The following PRSS23 variants were observed in gnomAD, a reference collection of about 807,000 sequenced individuals.
PRSS23 encodes the protein serine protease 23.
PRSS23 carries 25 observed loss-of-function variants against 34.7 expected under a neutral mutation model. The ratio of observed to expected loss-of-function variants is 0.72; its 90% CI spans 0.53 to 1.01. The LOEUF (loss-of-function observed/expected upper bound fraction) is 1.01, where lower values mean the gene tolerates loss of function less well. Ranked by LOEUF, PRSS23 falls within the 50% of genes least tolerant of loss-of-function variation. The pLI, the probability that PRSS23 is intolerant of heterozygous loss-of-function variation, is 0.00. For missense variants in PRSS23, 445 were observed against 475.6 expected, an observed-to-expected ratio of 0.94 and a Z score of 0.60; for synonymous variants, 176 against 186.6, an observed-to-expected ratio of 0.94 and a Z score of 0.46.
intron 2 of PRSS23, among the ~76,000 whole-genome samples, chr11:86,932,012 G>A (rs1457427535): frequency 6.6e-6 from 1 of 152,148 alleles, no homozygotes; most frequent in Non-Finnish European, 1.5e-5. Flanking sequence ...GAATCTTTGT[G>A]CAAAAGTGAG....
chr11:86,806,686 T>G (rs901955643), intron 1 of PRSS23, among the ~76,000 whole-genome samples: 5 of 152,252 alleles, frequency 3.3e-5, no homozygotes, highest in Non-Finnish European at 7.3e-5. Context: ...GCATCATCCA[T>G]GTACATCATT....
chr11:86,925,295 A>AGTGTGTGT (rs5793226), intron 2 of PRSS23, among the ~76,000 whole-genome samples: 212 of 149,106 alleles, frequency 1.4e-3, no homozygotes, highest in African/African-American at 3.2e-3. Flanking sequence ...GTTTAACTGG[A>AGTGTGTGT]GTGTGTGTGT....
upstream of PRSS23, chr11:86,800,364 G>A: frequency 2.4e-6 from 2 of 837,660 alleles, no homozygotes; most frequent in Non-Finnish European, 2.9e-6. Context: ...CAGGCCCTCT[G>A]GGCTGCTCCA....
At chr11:86,814,853 G>A (rs943092546), downstream of PRSS23, among the ~76,000 whole-genome samples, 7 of 152,148 alleles carry the variant, frequency 4.6e-5, no homozygotes, top group African/African-American at 1.7e-4. Context: ...CCTCCTGCCT[G>A]GACCAATGTT....
At chr11:86,904,192 G>C (rs1565381930) in intron 2 of PRSS23, among the ~76,000 whole-genome samples, 1 of 152,140 alleles carries the variant, frequency 6.6e-6, no homozygotes, top group Non-Finnish European at 1.5e-5. Context: ...GTGGACCCAG[G>C]TTGAAGGAAT....
chr11:86,810,574 G>C lies in PRSS23; in HGVS notation c.*1779G>C, dbSNP rs1948166953. On this transcript the variant is annotated 3_prime_UTR_variant, in exon 2 of 2. Transcript: ENST00000280258. ...TCTCCATTTCTATGTCTGGTATTTG[G>C]GGGTTTTGTTTGTTTTTGCTTTAGC... The C allele has an allele frequency of 6.0e-6, 1 of 166,926 alleles. No homozygotes were observed. The highest frequency in any genetic ancestry group is 1.5e-5 in the Non-Finnish European group (1 of 68,086). 10.3% of individuals were successfully genotyped at this position (166,926 alleles called of 1,614,324 possible).
intron 2 of PRSS23, among the ~76,000 whole-genome samples, chr11:86,872,098 A>C (rs1347404355): frequency 6.6e-6 from 1 of 152,180 alleles, no homozygotes; most frequent in Non-Finnish European, 1.5e-5. Flanking sequence ...TCTTGGTTTC[A>C]ACTCTTTCTT....
chr11:86,900,782 T>TCTC (rs71895161), intron 2 of PRSS23, among the ~76,000 whole-genome samples: 1 of 6,006 alleles, frequency 1.7e-4, no homozygotes, highest in African/African-American at 5.5e-4. Flanking sequence ...TCTCTCTCTC[T>TCTC]TTTTTTTTTT....
rs575382476 is a variant in PRSS23 at position 86,850,174 on chromosome 11, C to T, written c.206+26581C>T. Among the ~76,000 whole-genome samples the T allele has an allele frequency of 2.2e-4, 34 of 152,276 alleles. 1 individual carries two copies. The South Asian group carries it at 6.4e-3, about 29-fold the overall frequency. On this transcript the variant is annotated intron_variant, in intron 2 of 2. Transcript: ENST00000533902. ...TTAACCTCCTTGTCAAATTTGTTTC[C>T]TCCAGGATCGAGGCCATCAAGCTAC...
At chr11:86,878,481 T>C (rs1254320738) in intron 2 of PRSS23, among the ~76,000 whole-genome samples, 2 of 152,120 alleles carry the variant, frequency 1.3e-5, no homozygotes, top group Admixed American at 6.5e-5. Flanking sequence ...GCTGGGCTGG[T>C]CTCCAGCTCC....
At chr11:86,923,921 GT>G (rs1255217884) in intron 2 of PRSS23, among the ~76,000 whole-genome samples, 4 of 152,160 alleles carry the variant, frequency 2.6e-5, no homozygotes, top group Admixed American at 6.5e-5. Flanking sequence ...CTTTGGCTTG[GT>G]TATTCCCTAA....
At chr11:86,823,896 C>T (rs1271018465) in intron 2 of PRSS23, among the ~76,000 whole-genome samples, 1 of 147,010 alleles carries the variant, frequency 6.8e-6, no homozygotes, top group African/African-American at 2.5e-5. Context: ...GTCCCAGCTA[C>T]TCGGGAGGCT....
intron 2 of PRSS23, among the ~76,000 whole-genome samples, chr11:86,903,254 A>G (rs999309026): frequency 2.0e-5 from 3 of 152,160 alleles, no homozygotes; most frequent in African/African-American, 7.2e-5. Context: ...GTTAAAAGGT[A>G]TAAAAAATAT....
intron 2 of PRSS23, among the ~76,000 whole-genome samples, chr11:86,920,421 TGAA>T: frequency 6.6e-6 from 1 of 152,268 alleles, no homozygotes; most frequent in Admixed American, 6.5e-5. Flanking sequence ...TCTTGTCTAA[TGAA>T]GAAGAGAGAA....
At chr11:86,890,122 T>A (rs1948831479) in intron 2 of PRSS23, among the ~76,000 whole-genome samples, 1 of 150,168 alleles carries the variant, frequency 6.7e-6, no homozygotes, top group African/African-American at 2.5e-5. Context: ...ACAAAAAAAA[T>A]TAGCCAGGTG....
chr11:86,888,058 A>AAAAAC (rs1948815915), intron 2 of PRSS23, among the ~76,000 whole-genome samples: 1 of 151,802 alleles, frequency 6.6e-6, no homozygotes, highest in Non-Finnish European at 1.5e-5. Context: ...GTCTCAAAAA[A>AAAAAC]AAAAACAAAA....
intron 2 of PRSS23, among the ~76,000 whole-genome samples, chr11:86,851,886 A>G (rs1396309169): frequency 1.3e-5 from 2 of 152,146 alleles, no homozygotes; most frequent in African/African-American, 4.8e-5. Flanking sequence ...CATGAGTGAG[A>G]TGTCTATGAA....
At chr11:86,846,104 A>C (rs1325077962) in intron 2 of PRSS23, among the ~76,000 whole-genome samples, 1 of 152,154 alleles carries the variant, frequency 6.6e-6, no homozygotes, top group Non-Finnish European at 1.5e-5. Flanking sequence ...GACACCTTCC[A>C]CAGTGTGCTT....
chr11:86,949,822 A>T (rs940772006), intron 2 of PRSS23: 3 of 152,656 alleles, frequency 2.0e-5, no homozygotes, highest in African/African-American at 7.2e-5. Context: ...CCATATAAAT[A>T]CTCCAGGCCA....
Sources: gnomAD v4.1 joint callset for allele counts (sites outside exome capture counted in the v4.1 genomes callset) on GRCh38, gnomAD v4.1.1 for gene constraint, MANE v1.5 for transcripts, NCBI Gene and HGNC (gene_info 2026-07-23, HGNC 2026-07-21) for gene names.